LARGE1: variants seen among roughly 807,000 people sequenced by gnomAD.
LARGE1 encodes xylosyl- and glucuronyltransferase LARGE1.
In LARGE1, 43 loss-of-function variants were observed where a neutral mutation model predicts 87.6. The observed-to-expected ratio is 0.49, with a 90% CI of 0.38 to 0.63. The LOEUF is 0.63. LARGE1 is among the 30% of genes least tolerant of loss of function. The probability of loss-of-function intolerance (pLI) is 0.00; values close to 1 mark genes in which losing one functional copy is unlikely to be tolerated. For missense variants in LARGE1, 802 were observed against 1,000.2 expected (o/e 0.80, Z 2.67); for synonymous variants, 434 against 394.6 (o/e 1.10, Z -1.18).
At chr22:33,542,989 C>T (rs973813922) in intron 6 of LARGE1, among the ~76,000 whole-genome samples, 1 of 152,176 alleles carries the variant, frequency 6.6e-6, no homozygotes, top group African/African-American at 2.4e-5. Context: ...AACTCATGAC[C>T]TCTAAGATCC....
chr22:33,296,255 G>A (rs1933235715), intron 12 of LARGE1, among the ~76,000 whole-genome samples: 1 of 152,232 alleles, frequency 6.6e-6, no homozygotes, highest in Non-Finnish European at 1.5e-5. Flanking sequence ...CCACTTGCAT[G>A]GACACTCACC....
chr22:33,071,349 A>G, the LARGE1 span, among the ~76,000 whole-genome samples: 1 of 152,166 alleles, frequency 6.6e-6, no homozygotes, highest in East Asian at 1.9e-4. Flanking sequence ...TCTGGCTCCT[A>G]TGTGAAAGTG....
At chr22:33,183,614 ACACACG>A (rs1301817877) in intron 11 of LARGE1, among the ~76,000 whole-genome samples, 8 of 94,032 alleles carry the variant, frequency 8.5e-5, no homozygotes, top group African/African-American at 2.3e-4. Context: ...ACACACACAC[ACACACG>A]CACACACACA....
intron 1 of LARGE1, among the ~76,000 whole-genome samples, chr22:33,916,040 T>G (rs1296507994): frequency 1.3e-5 from 2 of 152,092 alleles, no homozygotes; most frequent in East Asian, 3.9e-4. Flanking sequence ...CCCAGCACTT[T>G]GGGAGGCCGA....
chr22:33,833,199 A>C lies in LARGE1; in HGVS notation c.-82-71641T>G, dbSNP rs144110354. ...TAGATTTGAAACTAATGTAATACTG[A>C]AACATCTGAATGGCGGATTACCAAT... On this transcript the variant is annotated intron_variant, in intron 1 of 14. Coordinates refer to ENST00000397394, the MANE Select transcript of LARGE1 (RefSeq NM_133642.5). 9.2e-5 allele frequency among the ~76,000 whole-genome samples: 14 copies of C among 152,350 alleles called. No homozygotes were observed. In the East Asian group the frequency reaches 2.5e-3, roughly 27 times the overall value.
intron 6 of LARGE1, among the ~76,000 whole-genome samples, chr22:33,487,752 C>T (rs553653248): frequency 2.6e-5 from 4 of 152,162 alleles, no homozygotes; most frequent in Non-Finnish European, 5.9e-5. Flanking sequence ...AAGCACACAC[C>T]GACATGGGCA....
chr22:33,670,174 T>C (rs976119619), intron 2 of LARGE1, among the ~76,000 whole-genome samples: 3 of 152,138 alleles, frequency 2.0e-5, no homozygotes, highest in Non-Finnish European at 4.4e-5. Context: ...CATTCACTCA[T>C]TAAATTCATA....
chr22:33,291,077 C>A (rs956838934), intron 12 of LARGE1, among the ~76,000 whole-genome samples: 4 of 151,954 alleles, frequency 2.6e-5, no homozygotes, highest in African/African-American at 7.3e-5. Context: ...ACCTCTGGTT[C>A]TGCAAAAATA....
At chr22:33,917,753 A>G (rs1002706848) in intron 1 of LARGE1, among the ~76,000 whole-genome samples, 5 of 152,224 alleles carry the variant, frequency 3.3e-5, no homozygotes, top group Admixed American at 6.5e-5. Context: ...TGAGTTGTCC[A>G]AATGACAATT....
At chr22:33,549,719 A>G (rs1010266583) in intron 6 of LARGE1, among the ~76,000 whole-genome samples, 16 of 152,238 alleles carry the variant, frequency 1.1e-4, no homozygotes, top group African/African-American at 3.6e-4. Flanking sequence ...AGTCAAGTCA[A>G]AGAGCACATG....
chr22:33,901,898 T>A (rs2065292108), intron 1 of LARGE1, among the ~76,000 whole-genome samples: 1 of 152,184 alleles, frequency 6.6e-6, no homozygotes, highest in Non-Finnish European at 1.5e-5. Flanking sequence ...GGTTCTAATG[T>A]GAAAAGACTA....
chr22:33,327,499 G>C (rs957165325), intron 10 of LARGE1, among the ~76,000 whole-genome samples: 1 of 152,166 alleles, frequency 6.6e-6, no homozygotes, highest in African/African-American at 2.4e-5. Context: ...TGCATTTACT[G>C]ACCATTTTAC....
At chr22:33,382,283 G>A (rs1005601449) in intron 8 of LARGE1, among the ~76,000 whole-genome samples, 79 of 152,160 alleles carry the variant, frequency 5.2e-4, no homozygotes, top group Non-Finnish European at 1.0e-3. Context: ...AGTCCTGCTG[G>A]TCTCATAAGG....
chr22:33,368,394 C>G (rs770447404), intron 9 of LARGE1, among the ~76,000 whole-genome samples: 1 of 151,934 alleles, frequency 6.6e-6, no homozygotes, highest in Non-Finnish European at 1.5e-5. Flanking sequence ...ATTAGCCAGG[C>G]GTGGTGGCGG....
At chr22:33,740,731 T>TCC (rs1198093667) in intron 2 of LARGE1, among the ~76,000 whole-genome samples, 1 of 152,156 alleles carries the variant, frequency 6.6e-6, no homozygotes, top group Non-Finnish European at 1.5e-5. Context: ...ACCAAACCAC[T>TCC]ATGGAGACCT....
At chr22:33,674,459 A>G (rs996784455) in intron 2 of LARGE1, among the ~76,000 whole-genome samples, 2 of 152,192 alleles carry the variant, frequency 1.3e-5, no homozygotes, top group South Asian at 2.1e-4. Flanking sequence ...CAAAATGCCA[A>G]TCTGATCTTG....
At chr22:33,363,539 CAA>C (rs1477902760) in intron 9 of LARGE1, among the ~76,000 whole-genome samples, 8 of 149,468 alleles carry the variant, frequency 5.4e-5, no homozygotes, top group Non-Finnish European at 7.5e-5. Context: ...GTTCCTCCCA[CAA>C]CACATGGGGA....
upstream of LARGE1, among the ~76,000 whole-genome samples, chr22:33,921,084 G>A (rs2147025236): frequency 6.7e-6 from 1 of 148,446 alleles, no homozygotes; most frequent in Non-Finnish European, 1.5e-5. The surrounding 1 kb of genome is among the most constrained non-coding windows in gnomAD (Gnocchi z 4.1). Flanking sequence ...GGCGGGGCCG[G>A]CGCCCGCGTC....
At chr22:33,770,956 C>T (rs1331422485) in intron 1 of LARGE1, among the ~76,000 whole-genome samples, 1 of 152,130 alleles carries the variant, frequency 6.6e-6, no homozygotes, top group African/African-American at 2.4e-5. Flanking sequence ...TCTGCCACTT[C>T]ACATTAACCA....
Sources: gnomAD v4.1 joint callset for allele counts (sites outside exome capture counted in the v4.1 genomes callset) on GRCh38, gnomAD v4.1.1 for gene constraint, Gnocchi (gnomAD v3.1) non-coding constraint, MANE v1.5 for transcripts, NCBI Gene and HGNC (gene_info 2026-07-23, HGNC 2026-07-21) for gene names.